Variants in UNC5D observed in about 807,000 individuals in gnomAD.
UNC5D encodes unc-5 netrin receptor D.
In UNC5D, 39 loss-of-function variants were observed where a neutral mutation model predicts 105.4. The ratio of observed to expected loss-of-function variants is 0.37; its 90% CI spans 0.29 to 0.48. The LOEUF is 0.48. Ranked by LOEUF, UNC5D falls within the 20% of genes least tolerant of loss-of-function variation. The probability of loss-of-function intolerance (pLI) is 0.98; values close to 1 mark genes in which losing one functional copy is unlikely to be tolerated. For missense variants in UNC5D, 991 were observed against 1,202.4 expected (o/e 0.82, Z 2.60); for synonymous variants, 452 against 450.4 (o/e 1.00, Z -0.04).
At chr8:35,731,680 G>A (rs1007057778) in intron 11 of UNC5D, among the ~76,000 whole-genome samples, 2 of 152,106 alleles carry the variant, frequency 1.3e-5, no homozygotes, top group African/African-American at 4.8e-5. Flanking sequence ...CTCCATAAAC[G>A]CTGACTGTCT....
intron 8 of UNC5D, among the ~76,000 whole-genome samples, chr8:35,721,846 G>C (rs918070433): frequency 6.6e-6 from 1 of 152,130 alleles, no homozygotes; most frequent in Non-Finnish European, 1.5e-5. Flanking sequence ...GTCTGCCCTC[G>C]CTCTGGTAAA....
intron 15 of UNC5D, among the ~76,000 whole-genome samples, chr8:35,767,741 A>G (rs1157687644): frequency 3.5e-4 from 53 of 152,220 alleles, no homozygotes; most frequent in Admixed American, 3.5e-3. Flanking sequence ...TAGAGTTACA[A>G]GTAGCAGTCA....
chr8:35,522,040 T>A (rs1177031962), intron 1 of UNC5D, among the ~76,000 whole-genome samples: 1 of 152,242 alleles, frequency 6.6e-6, no homozygotes, highest in South Asian at 2.1e-4. Flanking sequence ...CATGGTTGTT[T>A]GTGCATCCAA....
intron 1 of UNC5D, among the ~76,000 whole-genome samples, chr8:35,422,936 C>A (rs1277496869): frequency 6.6e-6 from 1 of 152,128 alleles, no homozygotes; most frequent in African/African-American, 2.4e-5. Context: ...CTCTCAAATG[C>A]CCCACAGATG....
At chr8:35,698,729 G>A (rs1826971026) in intron 7 of UNC5D, among the ~76,000 whole-genome samples, 1 of 151,932 alleles carries the variant, frequency 6.6e-6, no homozygotes, top group Non-Finnish European at 1.5e-5. Context: ...ATGGGAATGT[G>A]GATATCTTTT....
intron 11 of UNC5D, among the ~76,000 whole-genome samples, chr8:35,743,435 A>C (rs1391933876): frequency 6.6e-6 from 1 of 150,994 alleles, no homozygotes; most frequent in East Asian, 2.0e-4. Context: ...ACGCCTGACT[A>C]ATTTTTCTAT....
intron 15 of UNC5D, among the ~76,000 whole-genome samples, chr8:35,768,797 C>G (rs539594999): frequency 1.3e-5 from 2 of 152,226 alleles, no homozygotes; most frequent in South Asian, 2.1e-4. Context: ...CTTAGAAATG[C>G]CTTGCAGAAG....
At chr8:35,378,733 A>T (rs1802849465) in intron 1 of UNC5D, among the ~76,000 whole-genome samples, 1 of 152,206 alleles carries the variant, frequency 6.6e-6, no homozygotes. Flanking sequence ...GGAAGCTCTA[A>T]AGAGAGATGA....
intron 1 of UNC5D, among the ~76,000 whole-genome samples, chr8:35,521,062 G>T (rs1813429324): frequency 6.6e-6 from 1 of 152,116 alleles, no homozygotes; most frequent in Admixed American, 6.6e-5. Context: ...GACAAAGGGT[G>T]ATGTCATGGA....
intron 1 of UNC5D, among the ~76,000 whole-genome samples, chr8:35,265,637 G>T (rs1057436373): frequency 6.6e-6 from 1 of 152,060 alleles, no homozygotes; most frequent in Non-Finnish European, 1.5e-5. Context: ...TTGGGAGGCC[G>T]ATGTGGGCGG....
chr8:35,468,823 G>A (rs963475311), intron 1 of UNC5D, among the ~76,000 whole-genome samples: 1 of 152,152 alleles, frequency 6.6e-6, no homozygotes, highest in African/African-American at 2.4e-5. Context: ...ATTTCCACGG[G>A]ACAATGCTGA....
At chr8:35,411,148 A>T (rs944587594) in intron 1 of UNC5D, among the ~76,000 whole-genome samples, 1 of 152,078 alleles carries the variant, frequency 6.6e-6, no homozygotes, top group Non-Finnish European at 1.5e-5. Flanking sequence ...TAGTTAGTAC[A>T]GGACAGTGCT....
intron 2 of UNC5D, among the ~76,000 whole-genome samples, chr8:35,553,233 G>GT (rs1295107988): frequency 1.3e-5 from 2 of 151,968 alleles, no homozygotes; most frequent in African/African-American, 4.8e-5. Context: ...ACTACATTCT[G>GT]TTTTGTTATT....
At chr8:35,663,772 C>T (rs991392400) in intron 4 of UNC5D, among the ~76,000 whole-genome samples, 1 of 152,142 alleles carries the variant, frequency 6.6e-6, no homozygotes, top group Non-Finnish European at 1.5e-5. Flanking sequence ...GTCCTGTGCA[C>T]TTTGTAAAAT....
chr8:35,638,786 C>CA (rs1822535219), intron 4 of UNC5D, among the ~76,000 whole-genome samples: 1 of 151,844 alleles, frequency 6.6e-6, no homozygotes, highest in African/African-American at 2.4e-5. Flanking sequence ...GGTGATAAAG[C>CA]AATACCCTGT....
chr8:35,312,770 T>A (rs1376367716), intron 1 of UNC5D, among the ~76,000 whole-genome samples: 2 of 152,216 alleles, frequency 1.3e-5, no homozygotes, highest in Non-Finnish European at 2.9e-5. Flanking sequence ...TTGAATTTTC[T>A]CCTCTGTTTC....
At chr8:35,314,910 C>G (rs534115489) in intron 1 of UNC5D, among the ~76,000 whole-genome samples, 51 of 152,110 alleles carry the variant, frequency 3.4e-4, no homozygotes, top group African/African-American at 1.1e-3. Context: ...TTAAACACCA[C>G]GTAATGCTGT....
chr8:35,583,644 G>A (rs1227690967), intron 3 of UNC5D, among the ~76,000 whole-genome samples: 1 of 152,110 alleles, frequency 6.6e-6, no homozygotes, highest in East Asian at 1.9e-4. Flanking sequence ...AGCTTTTGGT[G>A]GAACATGATG....
At chr8:35,615,542 C>T (rs934345239) in intron 4 of UNC5D, among the ~76,000 whole-genome samples, 1 of 152,132 alleles carries the variant, frequency 6.6e-6, no homozygotes, top group Non-Finnish European at 1.5e-5. Flanking sequence ...TGCTCTGTCA[C>T]TCAGGCTGGA....
Sources: gnomAD v4.1 joint callset for allele counts (sites outside exome capture counted in the v4.1 genomes callset) on GRCh38, gnomAD v4.1.1 for gene constraint, MANE v1.5 for transcripts, NCBI Gene and HGNC (gene_info 2026-07-23, HGNC 2026-07-21) for gene names.